The following SH3BP4 variants were observed in gnomAD, a reference collection of about 807,000 sequenced individuals.
The protein encoded by SH3BP4 is SH3 domain binding protein 4.
A neutral mutation model predicts 65.5 loss-of-function variants in SH3BP4; 33 were observed. That is an observed-to-expected ratio of 0.50 (90% CI 0.38 to 0.67). The LOEUF is 0.67. Ranked by LOEUF, SH3BP4 falls within the 30% of genes least tolerant of loss-of-function variation. The pLI is 0.00. For missense variants in SH3BP4, 1,134 were observed against 1,261.4 expected (o/e 0.90, Z 1.53); for synonymous variants, 552 against 545.5 (o/e 1.01, Z -0.17).
intron 2 of SH3BP4, among the ~76,000 whole-genome samples, chr2:235,027,316 ACT>A (rs1205739024): frequency 1.3e-5 from 2 of 152,056 alleles, no homozygotes; most frequent in Admixed American, 6.5e-5. Context: ...CCATCAAGTG[ACT>A]CTGTGAAAGC....
At chr2:235,037,007 C>T (rs1474346673) in intron 3 of SH3BP4, among the ~76,000 whole-genome samples, 1 of 152,046 alleles carries the variant, frequency 6.6e-6, no homozygotes, top group African/African-American at 2.4e-5. Flanking sequence ...TCACGCACAT[C>T]CCAGTGATAG....
In SH3BP4 at chr2:235,052,512, C is replaced by A. The variant is rs1164556299; in HGVS notation, c.2479-50C>A. The A allele has an allele frequency of 1.4e-6, 2 of 1,426,838 alleles. No homozygotes were observed. Among genetic ancestry groups the A allele is most frequent in the Admixed American group, 4.7e-5 (2 of 42,240 alleles). 88.4% of individuals were successfully genotyped at this position (1,426,838 alleles called of 1,614,324 possible). Reference sequence around the variant, plus strand: ...TGCTGGAATTCTGCGGGGAGCAGAGCCTGCCCCACTCCCTACACTGTCTCA... The same window carrying A: ...TGCTGGAATTCTGCGGGGAGCAGAGACTGCCCCACTCCCTACACTGTCTCA... On this transcript the variant is annotated intron_variant, in intron 4 of 5. Transcript: ENST00000392011. This position sits in a 1 kb window ranked among gnomAD's most constrained non-coding sequence, Gnocchi z 5.0.
intron 2 of SH3BP4, among the ~76,000 whole-genome samples, chr2:235,013,226 G>A (rs796404500): frequency 3.9e-5 from 6 of 152,318 alleles, no homozygotes; most frequent in South Asian, 2.1e-4. Context: ...TCCGCTGTCC[G>A]AGTGGCTTTC....
chr2:235,007,279 C>T (rs1373006574), intron 2 of SH3BP4, among the ~76,000 whole-genome samples: 1 of 152,066 alleles, frequency 6.6e-6, no homozygotes, highest in Non-Finnish European at 1.5e-5. Context: ...CAGAGCAGCT[C>T]CTCCCTGCTT....
intron 2 of SH3BP4, among the ~76,000 whole-genome samples, chr2:235,010,091 G>T (rs1260063553): frequency 8.2e-6 from 1 of 122,200 alleles, no homozygotes; most frequent in East Asian, 3.7e-4. Context: ...ACTACTGAGG[G>T]TGTATCATCC....
chr2:234,998,995 C>T (rs1168230449), intron 2 of SH3BP4, among the ~76,000 whole-genome samples: 2 of 152,212 alleles, frequency 1.3e-5, no homozygotes, highest in South Asian at 2.1e-4. Context: ...GGCCATGCAG[C>T]GGCTGAACGG....
chr2:235,007,776 A>T (rs12622369), intron 2 of SH3BP4, among the ~76,000 whole-genome samples: 25,672 of 152,030 alleles, frequency 0.17, 3,682 homozygotes, highest in East Asian at 0.72. Flanking sequence ...GGGGGCAGTT[A>T]TGGGTAGTGC....
Position 234,997,285 on chromosome 2 carries a change from C to A in SH3BP4, c.-133+1909C>A, listed in dbSNP as rs1269744059. 6.6e-6 allele frequency among the ~76,000 whole-genome samples: 1 copy of A among 152,208 alleles called. No individual in the cohort carries two copies. The highest frequency in any genetic ancestry group is 2.4e-5 in the African/African-American group (1 of 41,434). On this transcript the variant is annotated intron_variant, in intron 2 of 5. Coordinates refer to ENST00000392011, the MANE Select transcript of SH3BP4 (RefSeq NM_014521.3). This position sits in a 1 kb window ranked among gnomAD's most constrained non-coding sequence, Gnocchi z 4.2. ...CTTGGTGCCTCTGAATAGTCACAGT[C>A]TGATTTGCCTGGGGGTCAGTGAGAG...
At chr2:235,017,556 G>T (rs2106304971) in intron 2 of SH3BP4, among the ~76,000 whole-genome samples, 1 of 152,296 alleles carries the variant, frequency 6.6e-6, no homozygotes, top group Middle Eastern at 3.4e-3. Context: ...CATCTGTGGG[G>T]TTATCTTGAG....
intron 4 of SH3BP4, 129 bp downstream of exon 4, chr2:235,043,376 G>C (rs541366624): frequency 1.6e-6 from 1 of 616,756 alleles, no homozygotes; most frequent in Non-Finnish European, 2.9e-6. Flanking sequence ...CTGATGTCCC[G>C]CTGCCTGAGA....
At chr2:234,988,696 C>A (rs1693658952) in intron 1 of SH3BP4, among the ~76,000 whole-genome samples, 1 of 152,116 alleles carries the variant, frequency 6.6e-6, no homozygotes, top group African/African-American at 2.4e-5. Flanking sequence ...TGCGCGGGTG[C>A]CAGGAGGAGC....
At chr2:234,970,055 A>T (rs1389226026) in intron 1 of SH3BP4, among the ~76,000 whole-genome samples, 1 of 140,856 alleles carries the variant, frequency 7.1e-6, no homozygotes, top group East Asian at 2.0e-4. Flanking sequence ...ACTCACACAC[A>T]CTCATACACA....
In SH3BP4 at chr2:235,042,476, G is replaced by A. The variant is rs1695698413; in HGVS notation, c.1707G>A (p.Val569=). 6 of 1,614,148 alleles carry A rather than the reference G, an allele frequency of 3.7e-6. No individual in the cohort carries two copies. The highest frequency in any genetic ancestry group is 5.1e-6 in the Non-Finnish European group (6 of 1,180,028). Residue 569 remains valine (V), a synonymous_variant, in exon 4 of 6, where the codon GTG becomes GTA. Transcript: ENST00000392011. This position sits in a 1 kb window ranked among gnomAD's most constrained non-coding sequence, Gnocchi z 7.3. ...GATTCCAGCTGAAGCTGGGCAAGGT[G>A]AGCCGCCTGATCTTCCCCATCACCT... ...VRGFQLKLGK[V]SRLIFPITSQ...
At chr2:235,010,852 C>T (rs1694467097) in intron 2 of SH3BP4, among the ~76,000 whole-genome samples, 1 of 135,362 alleles carries the variant, frequency 7.4e-6, no homozygotes. Context: ...AACCCTTCCT[C>T]CCTCTCCTAG....
At chr2:235,013,787 A>G (rs1248572163) in intron 2 of SH3BP4, among the ~76,000 whole-genome samples, 1 of 152,200 alleles carries the variant, frequency 6.6e-6, no homozygotes, top group African/African-American at 2.4e-5. Context: ...AGTGAAAGTT[A>G]GTGTGAAAGC....
rs570995574 is a variant in SH3BP4 at position 235,002,587 on chromosome 2, C to T, written c.-133+7211C>T. ...TAAAAAATACAAAAAATTAGCCAGT[C>T]GTGCTGGTGACACTTGTATCCCCAA... On this transcript the variant is annotated intron_variant, in intron 2 of 5. Transcript: ENST00000392011. Among the ~76,000 whole-genome samples, 8 of 152,274 alleles carry T rather than the reference C, an allele frequency of 5.3e-5. No homozygotes were observed. In the South Asian group the frequency reaches 6.2e-4, roughly 12 times the overall value.
At chr2:234,988,977 G>T (rs1308776873) in intron 1 of SH3BP4, among the ~76,000 whole-genome samples, 2 of 152,132 alleles carry the variant, frequency 1.3e-5, no homozygotes, top group African/African-American at 2.4e-5. Context: ...CCTCTCACTT[G>T]GCTGCTTCAT....
intron 2 of SH3BP4, among the ~76,000 whole-genome samples, chr2:235,014,058 A>G (rs182874083): frequency 2.0e-5 from 3 of 152,286 alleles, no homozygotes; most frequent in African/African-American, 7.2e-5. Context: ...GTTTATCATA[A>G]TATTATTAGC....
chr2:235,012,464 C>G (rs1694540733), intron 2 of SH3BP4, among the ~76,000 whole-genome samples: 1 of 152,218 alleles, frequency 6.6e-6, no homozygotes, highest in Non-Finnish European at 1.5e-5. Flanking sequence ...ATGTTTGGAT[C>G]ATTGTACATC....
Sources: gnomAD v4.1 joint callset for allele counts (sites outside exome capture counted in the v4.1 genomes callset) on GRCh38, gnomAD v4.1.1 for gene constraint, Gnocchi (gnomAD v3.1) non-coding constraint, MANE v1.5 for transcripts, NCBI Gene and HGNC (gene_info 2026-07-23, HGNC 2026-07-21) for gene names.